Variants in SARNP observed in about 807,000 individuals in gnomAD.
The protein encoded by SARNP is SAP domain containing ribonucleoprotein, also known as SAP domain-containing ribonucleoprotein.
SARNP carries 5 observed loss-of-function variants against 38.1 expected under a neutral mutation model. That is an observed-to-expected ratio of 0.13 (90% CI 0.07 to 0.28). The LOEUF is 0.28. SARNP is among the 10% of genes least tolerant of loss of function. SARNP has a pLI of 1.00. For missense variants in SARNP, 180 were observed against 243.9 expected, an observed-to-expected ratio of 0.74 and a Z score of 1.75; for synonymous variants, 84 against 80.6, an observed-to-expected ratio of 1.04 and a Z score of -0.23.
intron 1 of SARNP, among the ~76,000 whole-genome samples, chr12:55,814,640 C>A (rs1324077560): frequency 1.3e-5 from 2 of 152,114 alleles, no homozygotes; most frequent in African/African-American, 2.4e-5. Flanking sequence ...GAGGCCAAGG[C>A]AAGAGGATCA....
At chr12:55,756,335 A>G (rs962187087), downstream of SARNP, 1 of 152,166 alleles carries the variant, frequency 6.6e-6, no homozygotes. Flanking sequence ...CCAAGGCACA[A>G]TTTTTCTAAA....
chr12:55,760,447 A>C, intron 10 of SARNP, 104 bp downstream of exon 10: 1 of 650,908 alleles, frequency 1.5e-6, no homozygotes, highest in Non-Finnish European at 2.7e-6. Context: ...TAAATAAGTA[A>C]ATAAATAAAT....
intron 9 of SARNP, among the ~76,000 whole-genome samples, chr12:55,777,370 CTTTTTTTTTTA>C (rs1015826494): frequency 6.8e-6 from 1 of 147,930 alleles, no homozygotes; most frequent in Non-Finnish European, 1.5e-5. Flanking sequence ...AAAACTTTTC[CTTTTTTTTTTA>C]TTTTTTTTTT....
At position 55,804,358 on chromosome 12, in the gene SARNP, G is replaced by A. The variant is rs555108586; in HGVS notation, c.37-630C>T. 5.9e-5 allele frequency among the ~76,000 whole-genome samples: 9 copies of A among 151,830 alleles called. No individual in the cohort carries two copies. In the South Asian group the frequency reaches 1.9e-3, roughly 32 times the overall value. Reference sequence around the variant, plus strand: ...TTCATCAATTTTACAGACAATAGGAGGAAGGAGAATTGATGGATTATTGAC... The same window carrying A: ...TTCATCAATTTTACAGACAATAGGAAGAAGGAGAATTGATGGATTATTGAC... On this transcript the variant is annotated intron_variant, in intron 1 of 10. Transcript: ENST00000336133.
intron 7 of SARNP, chr12:55,794,098 C>A: frequency 2.2e-6 from 1 of 459,720 alleles, no homozygotes; most frequent in Non-Finnish European, 3.9e-6. Flanking sequence ...AAGCAAAGTA[C>A]TAGAGAAACT....
rs76493801 is a variant in SARNP at position 55,795,301 on chromosome 12, G to A, written c.304-421C>T. On this transcript the variant is annotated intron_variant, in intron 5 of 10. Coordinates refer to ENST00000336133, the MANE Select transcript of SARNP (RefSeq NM_033082.4). ...AAAACATCAGAAGTAATTTCTTAGG[G>A]TCTAAACTGAAAATACTGACAATCC... 6.2e-3 allele frequency among the ~76,000 whole-genome samples: 950 copies of A among 152,206 alleles called. 9 individuals are homozygous for A. Among genetic ancestry groups the A allele is most frequent in the African/African-American group, 0.022 (906 of 41,532 alleles).
At chr12:55,764,185 G>C (rs745831892) in intron 9 of SARNP, among the ~76,000 whole-genome samples, 2 of 152,070 alleles carry the variant, frequency 1.3e-5, no homozygotes, top group East Asian at 1.9e-4. Flanking sequence ...AGCTAAATCT[G>C]GTTCTAATTT....
intron 9 of SARNP, chr12:55,761,818 C>A (rs1445654941): frequency 6.6e-6 from 1 of 152,186 alleles, no homozygotes; most frequent in Non-Finnish European, 1.5e-5. Flanking sequence ...GTAGGCTCCT[C>A]GGGTGTCTTT....
intron 9 of SARNP, among the ~76,000 whole-genome samples, chr12:55,778,742 C>T (rs1456799758): frequency 2.0e-5 from 3 of 152,142 alleles, no homozygotes; most frequent in Admixed American, 1.3e-4. Context: ...GAGGCTGAGG[C>T]TGGCGGATCA....
chr12:55,776,308 C>T (rs1879179324), intron 9 of SARNP, among the ~76,000 whole-genome samples: 1 of 152,026 alleles, frequency 6.6e-6, no homozygotes, highest in Admixed American at 6.6e-5. Context: ...GTGGTGCATG[C>T]CTGTGGTCCC....
chr12:55,814,966 T>C (rs956249169), intron 1 of SARNP, among the ~76,000 whole-genome samples: 2 of 152,156 alleles, frequency 1.3e-5, no homozygotes, highest in African/African-American at 2.4e-5. Context: ...ATACATACTA[T>C]GTTTCCTTCC....
At chr12:55,771,534 A>C (rs1036778840) in intron 9 of SARNP, among the ~76,000 whole-genome samples, 3 of 152,172 alleles carry the variant, frequency 2.0e-5, no homozygotes, top group Non-Finnish European at 4.4e-5. Context: ...AGAAATTCCA[A>C]TCTAAAGAGT....
At chr12:55,778,197 A>G (rs1879237897) in intron 9 of SARNP, among the ~76,000 whole-genome samples, 2 of 151,998 alleles carry the variant, frequency 1.3e-5, no homozygotes, top group Non-Finnish European at 2.9e-5. Context: ...CCCAGGCTGG[A>G]GTGCAGTGGC....
At chr12:55,766,212 A>G (rs1030828735) in intron 9 of SARNP, among the ~76,000 whole-genome samples, 2 of 152,114 alleles carry the variant, frequency 1.3e-5, no homozygotes, top group African/African-American at 4.8e-5. Flanking sequence ...CTCAGCTACT[A>G]ACAAATCTCT....
intron 4 of SARNP, among the ~76,000 whole-genome samples, chr12:55,799,086 A>G (rs554651388): frequency 1.3e-5 from 2 of 152,366 alleles, no homozygotes; most frequent in South Asian, 4.1e-4. Flanking sequence ...ATACACATAC[A>G]TACATATACA....
intron 9 of SARNP, among the ~76,000 whole-genome samples, chr12:55,780,794 T>C (rs1879320397): frequency 6.6e-6 from 1 of 152,242 alleles, no homozygotes; most frequent in Non-Finnish European, 1.5e-5. Context: ...AGGGATATGC[T>C]GGACAAGGGG....
At chr12:55,815,523 C>T (rs537991565) in intron 1 of SARNP, among the ~76,000 whole-genome samples, 1 of 152,138 alleles carries the variant, frequency 6.6e-6, no homozygotes, top group Non-Finnish European at 1.5e-5. Flanking sequence ...TACACCATCT[C>T]GGCTCACTGC....
chr12:55,795,970 G>A, intron 5 of SARNP, 55 bp downstream of exon 5: 1 of 1,213,256 alleles, frequency 8.2e-7, no homozygotes, highest in Non-Finnish European at 1.2e-6. Flanking sequence ...TATAATAAAG[G>A]GTAAGAGGGA....
At chr12:55,813,070 C>T (rs560960240) in intron 1 of SARNP, among the ~76,000 whole-genome samples, 1 of 152,076 alleles carries the variant, frequency 6.6e-6, no homozygotes, top group African/African-American at 2.4e-5. Context: ...CTCAGCCTCC[C>T]GAGTAGCTGG....
Sources: gnomAD v4.1 joint callset for allele counts (sites outside exome capture counted in the v4.1 genomes callset) on GRCh38, gnomAD v4.1.1 for gene constraint, MANE v1.5 for transcripts, NCBI Gene and HGNC (gene_info 2026-07-23, HGNC 2026-07-21) for gene names.